The following FMO4 variants were observed in gnomAD, a reference collection of about 807,000 sequenced individuals.
FMO4 encodes dimethylaniline monooxygenase [N-oxide-forming] 4.
In FMO4, 38 loss-of-function variants were observed where a neutral mutation model predicts 43.3. The ratio of observed to expected loss-of-function variants is 0.88; its 90% confidence interval spans 0.68 to 1.15. The LOEUF is 1.15. Among genes scored for constraint, FMO4 ranks in the 50% most tolerant of loss-of-function variants. The probability of loss-of-function intolerance (pLI) is 0.00; values close to 1 mark genes in which losing one functional copy is unlikely to be tolerated. For synonymous variants in FMO4, 224 were observed against 232.2 expected (o/e 0.96, Z 0.32); for missense variants, 631 against 663.3 (o/e 0.95, Z 0.54).
intron 2 of FMO4, among the ~76,000 whole-genome samples, chr1:171,318,831 G>A (rs950417353): frequency 3.3e-5 from 5 of 152,202 alleles, no homozygotes; most frequent in African/African-American, 1.2e-4. Flanking sequence ...CTATTAAAAC[G>A]GAAGAGTTCC....
At chr1:171,326,388 C>A (rs1015032135) in intron 5 of FMO4, among the ~76,000 whole-genome samples, 5 of 152,058 alleles carry the variant, frequency 3.3e-5, no homozygotes. Context: ...TATTGTCAAC[C>A]TAATGGAAGA....
intron 2 of FMO4, among the ~76,000 whole-genome samples, chr1:171,317,980 C>A (rs1488454640): frequency 1.3e-5 from 2 of 152,132 alleles, no homozygotes; most frequent in Non-Finnish European, 2.9e-5. Flanking sequence ...TGTCTACACT[C>A]TCTAATAGTA....
intron 9 of FMO4, among the ~76,000 whole-genome samples, chr1:171,338,375 C>T (rs1208162455): frequency 6.6e-6 from 1 of 151,990 alleles, no homozygotes; most frequent in Non-Finnish European, 1.5e-5. Context: ...CATCACATTG[C>T]CCTTCTACTC....
Position 171,340,723 on chromosome 1 carries a change from A to G in FMO4, c.1251-690A>G, listed in dbSNP as rs550131821. Among the ~76,000 whole-genome samples, 5 of 152,270 alleles carry G rather than the reference A, an allele frequency of 3.3e-5. No homozygotes were observed. In the South Asian group the frequency reaches 1.0e-3, roughly 32 times the overall value. On this transcript the variant is annotated intron_variant, in intron 9 of 9. Coordinates refer to ENST00000367749, the MANE Select transcript of FMO4 (RefSeq NM_002022.3). Reference sequence around the variant, plus strand: ...CGAGTGAGTCTAAGGATAATGAAATAATCAGTGACTGAAACCATTTTCCCA... The same window carrying G: ...CGAGTGAGTCTAAGGATAATGAAATGATCAGTGACTGAAACCATTTTCCCA...
chr1:171,331,233 A>G (rs1303462711), intron 5 of FMO4, among the ~76,000 whole-genome samples: 1 of 152,224 alleles, frequency 6.6e-6, no homozygotes, highest in Non-Finnish European at 1.5e-5. Context: ...GTAGGTATTT[A>G]GATACAAGTG....
chr1:171,334,733 C>A lies in FMO4; in HGVS notation c.1150C>A (p.Gln384Lys). ...KGSILSGTEL[Q>K]ARWVTRVFKG... is the part of the protein sequence containing the mutation. ...ATCCATCTTATCAGGCACAGAGCTC[C>A]AAGCACGATGGGTCACAAGAGTATT... Residue 384 changes from glutamine to lysine, a missense_variant, in exon 8 of 10, where the codon CAA becomes AAA. By Grantham distance (53) the Gln-to-Lys change is moderately conservative. Transcript: ENST00000367749. 6.3e-7 allele frequency: 1 copy of A among 1,593,124 alleles called. No homozygotes were observed. The highest frequency in any genetic ancestry group is 8.5e-7 in the Non-Finnish European group (1 of 1,172,810).
At chr1:171,317,947 G>C (rs778109557) in intron 2 of FMO4, among the ~76,000 whole-genome samples, 1 of 152,116 alleles carries the variant, frequency 6.6e-6, no homozygotes, top group African/African-American at 2.4e-5. Context: ...ACAAATTCTA[G>C]CATCCCAACG....
chr1:171,334,086 T>C (rs764085294), intron 7 of FMO4, among the ~76,000 whole-genome samples: 5 of 152,128 alleles, frequency 3.3e-5, no homozygotes, highest in Non-Finnish European at 7.4e-5. Flanking sequence ...AGACCCAAAA[T>C]TGATCATCAA....
At position 171,341,497 on chromosome 1, in the gene FMO4, C is replaced by T; in HGVS notation, c.1335C>T (p.Pro445=). Residue 445 remains proline, a synonymous_variant, in exon 10 of 10, where the codon CCC becomes CCT. Transcript: ENST00000367749. Reference sequence around the variant, plus strand: ...TCGCTGCCTGCATAGGCACAAAGCCCAGCATCCCACTTCTGTTCCTCAAGG... The same window carrying T: ...TCGCTGCCTGCATAGGCACAAAGCCTAGCATCCCACTTCTGTTCCTCAAGG... ...DDIAACIGTK[P]SIPLLFLKDP... 6.2e-7 allele frequency: 1 copy of T among 1,613,988 alleles called. No homozygotes were observed. Among genetic ancestry groups the T allele is most frequent in the Non-Finnish European group, 8.5e-7 (1 of 1,179,950 alleles).
rs548664390 is a variant in FMO4 at position 171,330,533 on chromosome 1, A to G, written c.485-1107A>G. Among the ~76,000 whole-genome samples, 7 of 152,358 alleles carry G rather than the reference A, an allele frequency of 4.6e-5. No homozygotes were observed. In the South Asian group the frequency reaches 8.3e-4, roughly 18 times the overall value. On this transcript the variant is annotated intron_variant, in intron 5 of 9. Coordinates refer to ENST00000367749, the MANE Select transcript of FMO4 (RefSeq NM_002022.3). ...GGCCTCACAATCTTGGCAGAAGCGA[A>G]GGAAGAGCAAAGTCACGTCTTACAG...
intron 5 of FMO4, among the ~76,000 whole-genome samples, chr1:171,330,517 A>G (rs1163845457): frequency 1.3e-5 from 2 of 152,216 alleles, no homozygotes; most frequent in Non-Finnish European, 2.9e-5. Context: ...AGGCCTCACA[A>G]TCTTGGCAGA....
At chr1:171,319,416 G>A (rs1662316550) in intron 2 of FMO4, among the ~76,000 whole-genome samples, 1 of 152,144 alleles carries the variant, frequency 6.6e-6, no homozygotes, top group Admixed American at 6.5e-5. Flanking sequence ...TCTTGGAAAA[G>A]GCAACATTGG....
intron 5 of FMO4, among the ~76,000 whole-genome samples, chr1:171,326,867 C>A (rs1003023691): frequency 6.6e-6 from 1 of 152,196 alleles, no homozygotes; most frequent in East Asian, 1.9e-4. Context: ...AGTTTCTTTT[C>A]TTTCCAATAT....
intron 3 of FMO4, among the ~76,000 whole-genome samples, chr1:171,320,817 A>T (rs1662388991): frequency 6.6e-6 from 1 of 150,966 alleles, no homozygotes; most frequent in East Asian, 1.9e-4. Context: ...CTCTACAAAA[A>T]ATAAAATGAA....
chr1:171,328,086 G>A (rs1662739671), intron 5 of FMO4, among the ~76,000 whole-genome samples: 1 of 152,006 alleles, frequency 6.6e-6, no homozygotes, highest in South Asian at 2.1e-4. Flanking sequence ...TGTTCCCCAG[G>A]CTGGAGTTCG....
intron 4 of FMO4, 81 bp downstream of exon 4, chr1:171,323,273 T>C: frequency 1.1e-6 from 1 of 885,844 alleles, no homozygotes; most frequent in South Asian, 1.7e-5. Flanking sequence ...ATGTTTAAAG[T>C]AAACTTTTTA....
rs1663162018 is a variant in FMO4, at chr1:171,337,327, T to TTAA, written c.1181-28_1181-27insAAT. The TTAA allele has an allele frequency of 3.3e-6, 5 of 1,501,266 alleles. No individual in the cohort carries two copies. In the African/African-American group the frequency reaches 6.9e-5, roughly 21 times the overall value. The allele number at this position is 1,501,266 out of a possible 1,614,324, so 93.0% of individuals were successfully genotyped here. ...AAATAAAGGAAAAGCCACATGTGAC[T>TTAA]TTAGTGTTGTTTGTGATTTTTCCCA... On this transcript the variant is annotated intron_variant, in intron 8 of 9. Coordinates refer to ENST00000367749, the MANE Select transcript of FMO4 (RefSeq NM_002022.3).
chr1:171,322,416 G>A (rs1166250654), intron 3 of FMO4, among the ~76,000 whole-genome samples: 2 of 152,202 alleles, frequency 1.3e-5, no homozygotes, highest in Non-Finnish European at 2.9e-5. Context: ...TAAGGACAAT[G>A]TTAGTCTTGG....
intron 7 of FMO4, among the ~76,000 whole-genome samples, chr1:171,333,885 G>A (rs1250821469): frequency 6.6e-6 from 1 of 151,952 alleles, no homozygotes; most frequent in Non-Finnish European, 1.5e-5. Context: ...CAGTGGGTGT[G>A]ATCTTGGCTC....
Sources: gnomAD v4.1 joint callset for allele counts (sites outside exome capture counted in the v4.1 genomes callset) on GRCh38, gnomAD v4.1.1 for gene constraint, MANE v1.5 for transcripts, NCBI Gene and HGNC (gene_info 2026-07-23, HGNC 2026-07-21) for gene names.